Variants in IL7 observed in about 807,000 individuals in gnomAD.
IL7 encodes interleukin-7.
IL7 carries 3 observed loss-of-function variants against 21.6 expected under a neutral mutation model. The observed-to-expected ratio is 0.14, with a 90% confidence interval of 0.06 to 0.36. IL7 has a LOEUF of 0.36. IL7 is among the 10% of genes least tolerant of loss of function. The pLI is 1.00. For synonymous variants in IL7, 62 were observed against 68.1 expected, an observed-to-expected ratio of 0.91 and a Z score of 0.44; for missense variants, 175 against 200.2, an observed-to-expected ratio of 0.87 and a Z score of 0.76.
chr8:78,716,135 T>C (rs1292191792), downstream of IL7, among the ~76,000 whole-genome samples: 1 of 151,424 alleles, frequency 6.6e-6, no homozygotes, highest in Non-Finnish European at 1.5e-5. Context: ...TTTTGGTTTG[T>C]TTTTTAAGAC....
intron 4 of IL7, among the ~76,000 whole-genome samples, chr8:78,681,785 A>C (rs943152859): frequency 6.6e-5 from 10 of 152,140 alleles, no homozygotes; most frequent in Admixed American, 5.2e-4. Flanking sequence ...CCATTTTGTC[A>C]TAATTATTAA....
chr8:78,709,595 C>T (rs1423409616), intron 3 of IL7, among the ~76,000 whole-genome samples: 2 of 151,900 alleles, frequency 1.3e-5, no homozygotes, highest in African/African-American at 4.8e-5. Context: ...AGAGGTATGA[C>T]ACATTTCAAA....
At chr8:78,797,630 G>T (rs1813904370) in intron 2 of IL7, among the ~76,000 whole-genome samples, 1 of 151,880 alleles carries the variant, frequency 6.6e-6, no homozygotes. Flanking sequence ...ATTACACATA[G>T]ATATAAAATA....
At chr8:78,717,503 C>CAA (rs5892663), downstream of IL7, 58,035 of 1,208,936 alleles carry the variant, frequency 0.048, 23 homozygotes, top group East Asian at 0.068. Flanking sequence ...AATAGAATCT[C>CAA]AAAAAAAAAA....
chr8:78,704,455 C>T (rs1352645890), intron 3 of IL7, among the ~76,000 whole-genome samples: 1 of 151,478 alleles, frequency 6.6e-6, no homozygotes, highest in Non-Finnish European at 1.5e-5. Context: ...AGGGTTTCCA[C>T]TGAGAGGTCT....
At chr8:78,700,337 T>A (rs1389018759) in intron 3 of IL7, among the ~76,000 whole-genome samples, 3 of 152,096 alleles carry the variant, frequency 2.0e-5, no homozygotes, top group African/African-American at 7.2e-5. Flanking sequence ...CTTGTAAGTT[T>A]CTTTTTTTCT....
intron 5 of IL7, among the ~76,000 whole-genome samples, chr8:78,735,276 C>CTTTTTTT: frequency 7.5e-4 from 59 of 78,412 alleles, no homozygotes; most frequent in South Asian, 1.1e-3. Flanking sequence ...CTTTTCTTTT[C>CTTTTTTT]TTTTTTTTTT....
At chr8:78,748,762 T>C (rs1297753562) in intron 2 of IL7, among the ~76,000 whole-genome samples, 3 of 152,150 alleles carry the variant, frequency 2.0e-5, no homozygotes, top group Admixed American at 6.6e-5. Context: ...ATGGATTGTT[T>C]TGAGGAAGTG....
chr8:78,699,861 G>A (rs111801793), intron 3 of IL7, among the ~76,000 whole-genome samples: 5,628 of 152,166 alleles, frequency 0.037, 318 homozygotes, highest in African/African-American at 0.13. Flanking sequence ...TCTTTATCCA[G>A]TATATCATTG....
At chr8:78,708,458 G>A (rs779224024) in intron 3 of IL7, among the ~76,000 whole-genome samples, 2 of 151,972 alleles carry the variant, frequency 1.3e-5, no homozygotes, top group East Asian at 3.9e-4. Flanking sequence ...TGGGAGAGTC[G>A]CTTGAACCCA....
At position 78,798,223 on chromosome 8, in the gene IL7, A is replaced by G; in HGVS notation, c.11-15T>C. 3 of 1,592,208 alleles carry G rather than the reference A, an allele frequency of 1.9e-6. No homozygotes were observed. The highest frequency in any genetic ancestry group is 2.6e-6 in the Non-Finnish European group (3 of 1,161,670). On this transcript the variant is annotated splice_polypyrimidine_tract_variant and intron_variant, in intron 1 of 5. Coordinates refer to ENST00000263851, the MANE Select transcript of IL7 (RefSeq NM_000880.4). ...CCTAAAAGAAACTAAATTTGACAGT[A>G]AATAAGAATGAGCTAAATGTTATAT...
chr8:78,797,580 A>C (rs887356067), intron 2 of IL7, among the ~76,000 whole-genome samples: 4 of 151,982 alleles, frequency 2.6e-5, no homozygotes, highest in African/African-American at 9.7e-5. Flanking sequence ...AAAAGCTTTA[A>C]CCATCAAAAA....
chr8:78,782,071 T>C (rs1471111129), intron 2 of IL7, among the ~76,000 whole-genome samples: 1 of 152,186 alleles, frequency 6.6e-6, no homozygotes, highest in Non-Finnish European at 1.5e-5. Context: ...CATCAGGTCA[T>C]TTATGTTTCT....
At chr8:78,742,118 C>T (rs1162405539) in intron 2 of IL7, among the ~76,000 whole-genome samples, 1 of 151,278 alleles carries the variant, frequency 6.6e-6, no homozygotes, top group Non-Finnish European at 1.5e-5. Flanking sequence ...TCGAGACCAG[C>T]CTGGCCAACA....
chr8:78,711,923 T>C (rs1019994854), intron 3 of IL7: 23 of 1,028,942 alleles, frequency 2.2e-5, no homozygotes, highest in Non-Finnish European at 3.0e-5. Context: ...TAATGTCTTT[T>C]AAAAAAACTT....
intron 2 of IL7, among the ~76,000 whole-genome samples, chr8:78,793,072 A>G (rs1036552548): frequency 6.6e-6 from 1 of 152,158 alleles, no homozygotes; most frequent in Non-Finnish European, 1.5e-5. Flanking sequence ...AACTCCTGTT[A>G]TCATATGGAT....
chr8:78,687,864 C>T (rs1435577082), intron 3 of IL7, among the ~76,000 whole-genome samples: 4 of 32,374 alleles, frequency 1.2e-4, no homozygotes, highest in East Asian at 1.5e-3. Context: ...TAATATATAT[C>T]TATATAATAA....
chr8:78,687,836 ATTAT>A (rs1453357004), intron 3 of IL7, among the ~76,000 whole-genome samples: 1 of 64,582 alleles, frequency 1.5e-5, no homozygotes, highest in Non-Finnish European at 3.5e-5. Flanking sequence ...CATGTAATAA[ATTAT>A]ATATATATTT....
At chr8:78,784,190 G>C (rs1289592321) in intron 2 of IL7, among the ~76,000 whole-genome samples, 1 of 152,168 alleles carries the variant, frequency 6.6e-6, no homozygotes, top group Admixed American at 6.5e-5. Context: ...CTAATGAATG[G>C]TGGTAGTGCC....
Sources: gnomAD v4.1 joint callset for allele counts (sites outside exome capture counted in the v4.1 genomes callset) on GRCh38, gnomAD v4.1.1 for gene constraint, MANE v1.5 for transcripts, NCBI Gene and HGNC (gene_info 2026-07-23, HGNC 2026-07-21) for gene names.